The following SUGCT variants were observed in gnomAD, a reference collection of about 807,000 sequenced individuals.
The protein encoded by SUGCT is succinyl-CoA:glutarate CoA-transferase.
Under a neutral mutation model 55.0 loss-of-function variants are expected in SUGCT, and 41 were observed. The ratio of observed to expected loss-of-function variants is 0.74; its 90% confidence interval spans 0.58 to 0.97. The LOEUF (loss-of-function observed/expected upper bound fraction) is 0.97. Ranked by LOEUF, SUGCT falls within the 50% of genes least tolerant of loss-of-function variation. The pLI, the probability that SUGCT is intolerant of heterozygous loss-of-function variation, is 0.00. For synonymous variants in SUGCT, 187 were observed against 200.4 expected (o/e 0.93, Z 0.56); for missense variants, 568 against 547.8 (o/e 1.04, Z -0.37).
At chr7:41,022,118 C>A in the SUGCT span, among the ~76,000 whole-genome samples, 1 of 151,936 alleles carries the variant, frequency 6.6e-6, no homozygotes, top group Non-Finnish European at 1.5e-5. Context: ...GAATCCTAGG[C>A]AGAATGGATT....
At chr7:40,985,661 G>A in the SUGCT span, among the ~76,000 whole-genome samples, 11 of 152,114 alleles carry the variant, frequency 7.2e-5, no homozygotes, top group Non-Finnish European at 1.5e-4. Flanking sequence ...AATTTTAAAA[G>A]GGCCAAAAAT....
chr7:40,667,365 T>C (rs1332588612), intron 12 of SUGCT, among the ~76,000 whole-genome samples: 2 of 152,152 alleles, frequency 1.3e-5, no homozygotes, highest in Admixed American at 1.3e-4. Context: ...TTGCTGAGGA[T>C]CTTTGTGTCT....
At chr7:40,459,651 G>C (rs1246353298) in intron 11 of SUGCT, among the ~76,000 whole-genome samples, 2 of 152,148 alleles carry the variant, frequency 1.3e-5, no homozygotes, top group East Asian at 3.9e-4. Context: ...AGGAAAGCAA[G>C]GTAAAGAGAG....
rs551146909 is a variant in SUGCT, at chr7:40,840,782, T to G, written c.1154-19534T>G. Among the ~76,000 whole-genome samples, 194 of 152,176 alleles carry G rather than the reference T, an allele frequency of 1.3e-3. 1 individual carries two copies. The highest frequency in any genetic ancestry group is 4.9e-4 in the Non-Finnish European group (33 of 67,966). On this transcript the variant is annotated intron_variant, in intron 13 of 13. Transcript: ENST00000335693. ...ACAAAAGCTGGTTCTTAAAAAAAAGTTAATAATATTGATAAACTCCTGCTA... is the reference window on the plus strand; with the variant it reads ...ACAAAAGCTGGTTCTTAAAAAAAAGGTAATAATATTGATAAACTCCTGCTA...
At chr7:40,242,933 A>ATTTTTTTTTTTTTTT (rs70996894) in intron 7 of SUGCT, among the ~76,000 whole-genome samples, 1 of 17,214 alleles carries the variant, frequency 5.8e-5, no homozygotes, top group African/African-American at 1.5e-4. Flanking sequence ...ATATATATAT[A>ATTTTTTTTTTTTTTT]TTTTTTTTTT....
At chr7:40,867,546 A>T in the SUGCT span, among the ~76,000 whole-genome samples, 5 of 152,202 alleles carry the variant, frequency 3.3e-5, no homozygotes, top group Admixed American at 3.3e-4. Context: ...AGTTTTAAAA[A>T]TTGTATTAGT....
At chr7:40,215,320 T>G (rs1787564470) in intron 6 of SUGCT, among the ~76,000 whole-genome samples, 1 of 152,050 alleles carries the variant, frequency 6.6e-6, no homozygotes, top group South Asian at 2.1e-4. Context: ...TTTTTGTATT[T>G]TATTTTATTT....
chr7:40,415,116 A>C (rs370173148), intron 9 of SUGCT, among the ~76,000 whole-genome samples: 30 of 113,654 alleles, frequency 2.6e-4, no homozygotes, highest in African/African-American at 8.3e-4. Flanking sequence ...ATCTATCTAT[A>C]TAAAATTAGC....
intron 13 of SUGCT, among the ~76,000 whole-genome samples, chr7:40,822,416 T>C (rs896787278): frequency 6.6e-6 from 1 of 152,152 alleles, no homozygotes; most frequent in Non-Finnish European, 1.5e-5. Flanking sequence ...TTTGTAGGTC[T>C]CTAAGGACTT....
intron 12 of SUGCT, among the ~76,000 whole-genome samples, chr7:40,713,280 TC>T (rs900312127): frequency 5.3e-5 from 8 of 152,168 alleles, no homozygotes; most frequent in African/African-American, 1.9e-4. Context: ...TTGTTCTTCT[TC>T]CACTCAGAAA....
At chr7:40,453,944 T>C (rs945220886) in intron 10 of SUGCT, among the ~76,000 whole-genome samples, 1 of 151,972 alleles carries the variant, frequency 6.6e-6, no homozygotes, top group Admixed American at 6.5e-5. Context: ...ATAGAAATAT[T>C]TAGCAAAGAA....
the SUGCT span, among the ~76,000 whole-genome samples, chr7:40,919,487 T>C: frequency 1.3e-5 from 2 of 152,208 alleles, no homozygotes. Flanking sequence ...ATATATTGTT[T>C]ATGATCCTGT....
chr7:40,798,400 G>A (rs1379827076), intron 13 of SUGCT, among the ~76,000 whole-genome samples: 1 of 152,136 alleles, frequency 6.6e-6, no homozygotes, highest in Non-Finnish European at 1.5e-5. Context: ...TTTGAGAACT[G>A]TATAGAATAC....
chr7:41,013,344 C>T, the SUGCT span, among the ~76,000 whole-genome samples: 2 of 152,112 alleles, frequency 1.3e-5, no homozygotes, highest in African/African-American at 4.8e-5. Context: ...GATTTCAGTT[C>T]CTTCTCTTGG....
chr7:40,870,409 A>T, the SUGCT span, among the ~76,000 whole-genome samples: 1 of 152,046 alleles, frequency 6.6e-6, no homozygotes, highest in Admixed American at 6.6e-5. Flanking sequence ...TCTGTGTGCC[A>T]TCAAATCTCC....
At chr7:40,532,262 T>C (rs1234100472) in intron 12 of SUGCT, among the ~76,000 whole-genome samples, 1 of 152,206 alleles carries the variant, frequency 6.6e-6, no homozygotes, top group Non-Finnish European at 1.5e-5. Flanking sequence ...TTTGGAACCA[T>C]TAAAATGAAA....
At chr7:40,777,452 G>T (rs1490344533) in intron 13 of SUGCT, among the ~76,000 whole-genome samples, 15 of 147,768 alleles carry the variant, frequency 1.0e-4, no homozygotes, top group Non-Finnish European at 2.1e-4. Context: ...TCCATGGTGG[G>T]TTTTTTTTTT....
At chr7:40,421,020 T>G (rs539310215) in intron 9 of SUGCT, among the ~76,000 whole-genome samples, 1 of 152,286 alleles carries the variant, frequency 6.6e-6, no homozygotes, top group African/African-American at 2.4e-5. Context: ...ACCCTGTATT[T>G]TTATCCAATC....
intron 12 of SUGCT, among the ~76,000 whole-genome samples, chr7:40,646,251 A>T (rs1417127122): frequency 6.6e-6 from 1 of 152,186 alleles, no homozygotes; most frequent in Admixed American, 6.5e-5. Flanking sequence ...AGGCCCCGTT[A>T]TGCTTCACTT....
Sources: gnomAD v4.1 joint callset for allele counts (sites outside exome capture counted in the v4.1 genomes callset) on GRCh38, gnomAD v4.1.1 for gene constraint, MANE v1.5 for transcripts, NCBI Gene and HGNC (gene_info 2026-07-23, HGNC 2026-07-21) for gene names.